Variants in CDK6 observed in about 807,000 individuals in gnomAD.
The protein encoded by CDK6 is cyclin-dependent kinase 6.
Under a neutral mutation model 37.1 loss-of-function variants are expected in CDK6, and 6 were observed. That is an observed-to-expected ratio of 0.16 (90% CI 0.09 to 0.32). The LOEUF is 0.32. CDK6 is among the 10% of genes least tolerant of loss of function. The probability of loss-of-function intolerance (pLI) is 1.00; values close to 1 mark genes in which losing one functional copy is unlikely to be tolerated. For synonymous variants in CDK6, 160 were observed against 161.3 expected (o/e 0.99, Z 0.06); for missense variants, 224 against 418.9 (o/e 0.53, Z 4.06).
At chr7:92,692,979 T>C (rs1797630483) in intron 4 of CDK6, among the ~76,000 whole-genome samples, 1 of 152,226 alleles carries the variant, frequency 6.6e-6, no homozygotes, top group African/African-American at 2.4e-5. Flanking sequence ...CTTTCATCTC[T>C]GGTACATCCA....
chr7:92,718,725 C>T (rs544209573), intron 4 of CDK6, among the ~76,000 whole-genome samples: 1 of 152,350 alleles, frequency 6.6e-6, no homozygotes, highest in African/African-American at 2.4e-5. Context: ...GGAGGGAGGG[C>T]TTCCCTGGCC....
At chr7:92,752,641 CTATT>C (rs966313162) in intron 3 of CDK6, among the ~76,000 whole-genome samples, 5 of 152,156 alleles carry the variant, frequency 3.3e-5, no homozygotes, top group African/African-American at 9.7e-5. Flanking sequence ...AATACAGTCA[CTATT>C]AATTAATGCC....
chr7:92,639,665 C>G (rs1038463276), intron 5 of CDK6, among the ~76,000 whole-genome samples: 2 of 152,112 alleles, frequency 1.3e-5, no homozygotes, highest in Admixed American at 6.6e-5. Context: ...TTTGTTGTTT[C>G]GTTGTTATGG....
intron 5 of CDK6, among the ~76,000 whole-genome samples, chr7:92,656,928 A>T (rs1796712250): frequency 6.6e-6 from 1 of 152,170 alleles, no homozygotes; most frequent in African/African-American, 2.4e-5. Flanking sequence ...CTGAACAAGC[A>T]GGCCTTGCCA....
chr7:92,716,234 G>C lies in CDK6; in HGVS notation c.537+9392C>G, dbSNP rs1011238620. On this transcript the variant is annotated intron_variant, in intron 4 of 7. Transcript: ENST00000424848. ...TCATTGATTCATTTGTAAAAGCAGG[G>C]AGTTGTGAAAGCAATTAAGTTCAAA... is the stretch of plus-strand genomic sequence containing the variant. Among the ~76,000 whole-genome samples, 5 of 152,202 alleles carry C rather than the reference G, an allele frequency of 3.3e-5. No individual in the cohort carries two copies. The East Asian group carries it at 9.6e-4, about 29-fold the overall frequency.
At chr7:92,789,159 A>G (rs2115846863) in intron 2 of CDK6, among the ~76,000 whole-genome samples, 1 of 152,320 alleles carries the variant, frequency 6.6e-6, no homozygotes, top group South Asian at 2.1e-4. Flanking sequence ...GGAAGAAAAA[A>G]GAAATCTGTT....
intron 3 of CDK6, among the ~76,000 whole-genome samples, chr7:92,732,544 T>C (rs533034806): frequency 7.9e-4 from 120 of 152,354 alleles, no homozygotes; most frequent in Middle Eastern, 3.4e-3. Context: ...CCTCTTCAAA[T>C]GAGGTAATGC....
At chr7:92,692,369 T>G (rs1797617833) in intron 4 of CDK6, among the ~76,000 whole-genome samples, 2 of 152,228 alleles carry the variant, frequency 1.3e-5, no homozygotes, top group Non-Finnish European at 2.9e-5. Flanking sequence ...ATGTGCTAAT[T>G]AGCAAGAGCT....
At chr7:92,768,845 G>A (rs1363927515) in intron 3 of CDK6, among the ~76,000 whole-genome samples, 2 of 152,164 alleles carry the variant, frequency 1.3e-5, no homozygotes, top group Non-Finnish European at 2.9e-5. Flanking sequence ...CTGCAAAGAT[G>A]AGACAAATCA....
chr7:92,616,455 C>T, intron 7 of CDK6, among the ~76,000 whole-genome samples: 1 of 152,172 alleles, frequency 6.6e-6, no homozygotes, highest in South Asian at 2.1e-4. Context: ...GGTTGCTAGC[C>T]TCCCTATAGG....
intron 2 of CDK6, among the ~76,000 whole-genome samples, chr7:92,778,946 T>TAAAA (rs1554412777): frequency 1.5e-5 from 2 of 135,012 alleles, no homozygotes; most frequent in African/African-American, 6.0e-5. Context: ...TATATATATA[T>TAAAA]AAGATATTAT....
At chr7:92,813,829 T>A (rs1202722070) in intron 2 of CDK6, among the ~76,000 whole-genome samples, 1 of 152,076 alleles carries the variant, frequency 6.6e-6, no homozygotes, top group Non-Finnish European at 1.5e-5. Context: ...TCATTTACCC[T>A]CCCAACCAAA....
At chr7:92,680,941 T>G (rs1023190586) in intron 4 of CDK6, among the ~76,000 whole-genome samples, 2 of 152,198 alleles carry the variant, frequency 1.3e-5, no homozygotes, top group Non-Finnish European at 2.9e-5. Context: ...CCTTTCTATC[T>G]TGCATTATAG....
Position 92,606,913 on chromosome 7 carries a change from C to A in CDK6, c.*8227G>T, listed in dbSNP as rs1795442345. ...TCTATACCAAACACTTGCCCTTTAA[C>A]CTTCAGATAAAAACCTCAAATACCA... On this transcript the variant is annotated 3_prime_UTR_variant, in exon 8 of 8. Transcript: ENST00000424848. The A allele has an allele frequency of 4.3e-6, 1 of 232,960 alleles. No homozygotes were observed. Among genetic ancestry groups the A allele is most frequent in the Non-Finnish European group, 8.5e-6 (1 of 117,862 alleles). 14.4% of individuals were successfully genotyped at this position (232,960 alleles called of 1,614,324 possible). A position where few individuals can be genotyped will look rare whatever the true frequency, so the allele number is the denominator to read the frequency against.
intron 6 of CDK6, among the ~76,000 whole-genome samples, chr7:92,619,133 ACAGT>A (rs1795747646): frequency 6.6e-6 from 1 of 152,212 alleles, no homozygotes; most frequent in Non-Finnish European, 1.5e-5. Flanking sequence ...TACATCACAC[ACAGT>A]CAATTATCAA....
intron 5 of CDK6, among the ~76,000 whole-genome samples, chr7:92,648,651 A>C (rs1474829949): frequency 6.6e-6 from 1 of 152,224 alleles, no homozygotes; most frequent in African/African-American, 2.4e-5. Context: ...GTGATGGATG[A>C]CAAACCTAGA....
At chr7:92,813,330 G>A (rs1800938090) in intron 2 of CDK6, among the ~76,000 whole-genome samples, 1 of 151,966 alleles carries the variant, frequency 6.6e-6, no homozygotes, top group Non-Finnish European at 1.5e-5. Context: ...CATACTGCTT[G>A]CTTTTAAAAA....
intron 5 of CDK6, among the ~76,000 whole-genome samples, chr7:92,627,237 T>C (rs947640356): frequency 1.3e-5 from 2 of 152,136 alleles, no homozygotes; most frequent in Non-Finnish European, 2.9e-5. Context: ...TCCATTTATA[T>C]AGACAATGTA....
Position 92,833,160 on chromosome 7 carries a change from G to A in CDK6, c.164C>T (p.Pro55Leu), listed in dbSNP as rs1801536508. Residue 55 changes from proline to leucine, a missense_variant, in exon 2 of 8, where the codon CCG (proline) becomes CTG (leucine). Pro to Leu is a moderately conservative substitution (Grantham distance 98, BLOSUM62 -3). This residue lies in a region of CDK6 where 21 missense variants were observed against 18.4 expected (regional missense o/e 1.14). Transcript: ENST00000424848. The surrounding 1 kb of genome is among the most constrained non-coding windows in gnomAD (Gnocchi z 6.1). ...CGCCACCTCGCGGATGGTGGAGAGC[G>A]GCATGCCCTCCTCGCCGGTCTGCAC... Reference protein sequence around the residue: ...VRVQTGEEGMPLSTIREVAVL... With the variant: ...VRVQTGEEGMLLSTIREVAVL... The A allele has an allele frequency of 6.2e-7, 1 of 1,609,294 alleles. No individual in the cohort carries two copies. The highest frequency in any genetic ancestry group is 8.5e-7 in the Non-Finnish European group (1 of 1,178,494).
Sources: allele counts gnomAD v4.1 joint callset (sites outside exome capture counted in the v4.1 genomes callset), GRCh38; gene constraint gnomAD v4.1.1; regional missense constraint gnomAD v4.1.1; non-coding constraint Gnocchi (gnomAD v3.1); transcripts MANE v1.5; gene names NCBI Gene and HGNC (gene_info 2026-07-23, HGNC 2026-07-21).